GRM6: variants seen among roughly 807,000 people sequenced by gnomAD.
The protein encoded by GRM6 is glutamate metabotropic receptor 6.
GRM6 carries 73 observed loss-of-function variants against 78.4 expected under a neutral mutation model. The ratio of observed to expected loss-of-function variants is 0.93; its 90% CI spans 0.77 to 1.13. The LOEUF (loss-of-function observed/expected upper bound fraction) is 1.13. Among genes scored for constraint, GRM6 ranks in the 50% most tolerant of loss-of-function variants. GRM6 has a pLI of 0.00. For missense variants in GRM6, 1,251 were observed against 1,256.4 expected (o/e 1.00, Z 0.07); for synonymous variants, 580 against 555.0 (o/e 1.05, Z -0.63).
intron 7 of GRM6, among the ~76,000 whole-genome samples, chr5:178,987,653 G>A (rs980251041): frequency 3.9e-5 from 6 of 152,182 alleles, no homozygotes; most frequent in South Asian, 4.1e-4. Flanking sequence ...AGGTGCTGGC[G>A]GGAGGAGGGG....
chr5:178,985,475 G>T (rs576065347), intron 9 of GRM6: 42 of 341,464 alleles, frequency 1.2e-4, no homozygotes, highest in South Asian at 3.8e-4. Context: ...AGGCCGAGGT[G>T]GGCGGATCAC....
In GRM6 at chr5:178,991,728, T is replaced by A; in HGVS notation, c.721+139A>T. The A allele has an allele frequency of 8.9e-7, 1 of 1,117,948 alleles. No individual in the cohort carries two copies. The highest frequency in any genetic ancestry group is 1.3e-6 in the Non-Finnish European group (1 of 746,202). The allele number at this position is 1,117,948 out of a possible 1,614,324, so 69.3% of individuals were successfully genotyped here. ...GGCTGAGTCGTCCAAAACAAAGAGG[T>A]CCCGCCCACATGGAGCACCAGCCAG... On this transcript the variant is annotated intron_variant, in intron 3 of 10. Coordinates refer to ENST00000517717, the MANE Select transcript of GRM6 (RefSeq NM_000843.4). The surrounding 1 kb of genome is among the most constrained non-coding windows in gnomAD (Gnocchi z 5.0).
Position 178,986,449 on chromosome 5 carries a change from G to A in GRM6, c.1805C>T (p.Thr602Met), listed in dbSNP as rs199513794. The A allele has an allele frequency of 2.8e-4, 444 of 1,612,886 alleles. 1 individual carries two copies. The highest frequency in any genetic ancestry group is 4.8e-4 in the South Asian group (44 of 91,066). The change falls in exon 9 of 11, where the codon ACG becomes ATG. Residue 602 changes from threonine (T) to methionine (M), a missense_variant. Coordinates refer to ENST00000517717, the MANE Select transcript of GRM6 (RefSeq NM_000843.4). ...GTACCGCACGAAGGTGGCCACCACC[G>A]TGGTAGTGGCCACGATGCCCAGCAC... ...LAVLGIVATT[T>M]VVATFVRYNN... is the part of the protein sequence containing the mutation.
intron 9 of GRM6, 113 bp from the exon 10 acceptor site, chr5:178,983,334 G>T: frequency 1.1e-6 from 1 of 911,070 alleles, no homozygotes; most frequent in Non-Finnish European, 1.8e-6. Flanking sequence ...CCTATGGAGG[G>T]GATGCTCCAC....
Position 178,983,110 on chromosome 5 carries a change from T to C in GRM6, c.2236A>G (p.Met746Val). The C allele has an allele frequency of 6.2e-7, 1 of 1,614,032 alleles. No homozygotes were observed. Residue 746 changes from methionine to valine, a missense_variant, in exon 10 of 11, where the codon ATG becomes GTG. Physicochemically the swap from Met to Val is conservative, Grantham distance 21. Transcript: ENST00000517717. ...EQARGVLKCD[M>V]SDLSLIGCLG... is the part of the protein sequence containing the mutation. ...CAGCCGATGAGAGACAGATCCGACA[T>C]GTCGCACTTGAGCACCCCTCTGGCC...
At chr5:178,990,885 G>A in intron 4 of GRM6, 139 bp from the exon 5 acceptor site, 1 of 709,206 alleles carries the variant, frequency 1.4e-6, no homozygotes, top group Non-Finnish European at 2.3e-6. Flanking sequence ...CGGGGCCGGG[G>A]GCATTTAGGG....
intron 7 of GRM6, chr5:178,987,469 A>G (rs1263066875): frequency 6.6e-6 from 3 of 456,662 alleles, no homozygotes; most frequent in Admixed American, 4.7e-5. Context: ...ATGGGATGCG[A>G]TTCAGCCTTC....
At chr5:178,993,491 AGGGAGCGGCCCCG>A (rs1760718042) in intron 2 of GRM6, among the ~76,000 whole-genome samples, 1 of 152,188 alleles carries the variant, frequency 6.6e-6, no homozygotes, top group Non-Finnish European at 1.5e-5. Context: ...CGCAGACGAT[AGGGAGCGGCCCCG>A]CACGCCTGGA....
Position 178,986,980 on chromosome 5 carries a change from CT to C in GRM6, c.1357del (p.Ser453AlafsTer6), listed in dbSNP as rs987834241. ...GTTGAACATCACAGGGGTTCCTGCG[CT>C]GCCTGGAGAGAGAGTCCGTCATCCT... ...QYIRAVRFNG[S>X]AGTPVMFNEN... On this transcript the variant is annotated frameshift_variant and splice_region_variant, in exon 8 of 11. Coordinates refer to ENST00000517717, the MANE Select transcript of GRM6 (RefSeq NM_000843.4). LOFTEE classifies it high-confidence loss of function. 1.2e-6 allele frequency: 2 copies of C among 1,613,434 alleles called. No individual in the cohort carries two copies. The highest frequency in any genetic ancestry group is 2.7e-5 in the African/African-American group (2 of 74,922).
At chr5:178,986,031 G>C in intron 9 of GRM6, 99 bp downstream of exon 9, 2 of 1,121,188 alleles carry the variant, frequency 1.8e-6, no homozygotes. Flanking sequence ...AAAGGTGCTG[G>C]GACTACAGGC....
intron 9 of GRM6, 28 bp downstream of exon 9, chr5:178,986,102 C>T (rs759952013): frequency 6.2e-7 from 1 of 1,605,250 alleles, no homozygotes; most frequent in Admixed American, 1.7e-5. Context: ...CCCTCCCTGC[C>T]CTGGCCCTTG....
In GRM6 at chr5:178,991,973, C is replaced by T. The variant is rs1365322605; in HGVS notation, c.615G>A (p.Val205=). The change falls in exon 3 of 11, where the codon GTG becomes GTA. Residue 205 remains valine (V), a synonymous_variant. Transcript: ENST00000517717. The surrounding 1 kb of genome is among the most constrained non-coding windows in gnomAD (Gnocchi z 5.0). ...PPDSYQAQAM[V]DIVRALGWNY... ...TCCATCCCAGTGCCCTCACGATGTCCACCATGGCCTGCGCCTGGTAGGAGT... is the reference window on the plus strand; with the variant it reads ...TCCATCCCAGTGCCCTCACGATGTCTACCATGGCCTGCGCCTGGTAGGAGT... 1.2e-6 allele frequency: 2 copies of T among 1,613,978 alleles called. No homozygotes were observed. The highest frequency in any genetic ancestry group is 1.7e-6 in the Non-Finnish European group (2 of 1,179,968).
rs140271739 is a variant in GRM6, at chr5:178,986,398, G to A, written c.1856C>T (p.Ser619Leu). 187 of 1,613,916 alleles carry A rather than the reference G, an allele frequency of 1.2e-4. No individual in the cohort carries two copies. Among genetic ancestry groups the A allele is most frequent in the Admixed American group, 3.2e-4 (19 of 60,022 alleles). ...RYNNTPIVRA[S>L]GRELSYVLLT... ...GAGGACGTAGCTGAGCTCTCGGCCC[G>A]AGGCCCGGACGATGGGCGTGTTGTT... The change falls in exon 9 of 11, where the codon TCG becomes TTG. Residue 619 changes from serine (S) to leucine (L), a missense_variant. Physicochemically the swap from Ser to Leu is moderately radical, Grantham distance 145. Coordinates refer to ENST00000517717, the MANE Select transcript of GRM6 (RefSeq NM_000843.4).
chr5:178,988,292 A>G lies in GRM6; in HGVS notation c.1354+643T>C, dbSNP rs1760605368. On this transcript the variant is annotated intron_variant, in intron 7 of 10. Transcript: ENST00000517717. The surrounding 1 kb of genome is among the most constrained non-coding windows in gnomAD (Gnocchi z 6.0). Reference sequence around the variant, plus strand: ...CCACCAGCTTGCAGAGATGCTCTGGAGTCATATTAAATGGAATTGATTAGC... The same window carrying G: ...CCACCAGCTTGCAGAGATGCTCTGGGGTCATATTAAATGGAATTGATTAGC... 6.6e-6 allele frequency among the ~76,000 whole-genome samples: 1 copy of G among 152,144 alleles called. No individual in the cohort carries two copies. The highest frequency in any genetic ancestry group is 6.5e-5 in the Admixed American group (1 of 15,272).
rs1274382727 is a variant in GRM6, at chr5:178,991,653, G to T, written c.722-94C>A. On this transcript the variant is annotated intron_variant, in intron 3 of 10. Coordinates refer to ENST00000517717, the MANE Select transcript of GRM6 (RefSeq NM_000843.4). This position sits in a 1 kb window ranked among gnomAD's most constrained non-coding sequence, Gnocchi z 5.0. Reference sequence around the variant, plus strand: ...AGAGGACTGTGTAGGCTGGCTGAAGGGTCTGCAGGGGTGAAGTCTGGCCTG... The same window carrying T: ...AGAGGACTGTGTAGGCTGGCTGAAGTGTCTGCAGGGGTGAAGTCTGGCCTG... The T allele has an allele frequency of 1.4e-6, 2 of 1,442,204 alleles. No homozygotes were observed. Among genetic ancestry groups the T allele is most frequent in the Non-Finnish European group, 1.9e-6 (2 of 1,027,410 alleles). The allele number at this position is 1,442,204 out of a possible 1,614,324, so 89.3% of individuals were successfully genotyped here.
At position 178,983,468 on chromosome 5, in the gene GRM6, G is replaced by A. The variant is rs17078884; in HGVS notation, c.2125-247C>T. 0.043 allele frequency: 29,701 copies of A among 682,844 alleles called. 998 individuals are homozygous for A. The highest frequency in any genetic ancestry group is 0.13 in the East Asian group (4,506 of 35,608). The allele number at this position is 682,844 out of a possible 1,614,324, so 42.3% of individuals were successfully genotyped here. On this transcript the variant is annotated intron_variant, in intron 9 of 10. Transcript: ENST00000517717. Reference sequence around the variant, plus strand: ...GGCAGCTGCGGAGAAGGGCTGTGCCGCCCGTATATGTTGGCAACATCAGTG... The same window carrying A: ...GGCAGCTGCGGAGAAGGGCTGTGCCACCCGTATATGTTGGCAACATCAGTG...
In GRM6 at chr5:178,989,295, G is replaced by C; in HGVS notation, c.1123C>G (p.Gln375Glu). 6.2e-7 allele frequency: 1 copy of C among 1,609,866 alleles called. No individual in the cohort carries two copies. The highest frequency in any genetic ancestry group is 8.5e-7 in the Non-Finnish European group (1 of 1,179,026). Reference sequence around the variant, plus strand: ...CATTTGCGGGTGGAATCGTCTGACTGGGTACCTGAGCTGGTCAGTTTGCAG... The same window carrying C: ...CATTTGCGGGTGGAATCGTCTGACTCGGTACCTGAGCTGGTCAGTTTGCAG... The part of the protein sequence containing the change: ...FNCKLTSSGT[Q>E]SDDSTRKCTG... The change falls in exon 6 of 11, where the codon CAG becomes GAG. Residue 375 changes from glutamine to glutamate, a missense_variant. Physicochemically the swap from Gln to Glu is conservative, Grantham distance 29. Transcript: ENST00000517717.
intron 7 of GRM6, chr5:178,987,540 G>A (rs948735590): frequency 1.6e-5 from 7 of 432,518 alleles, no homozygotes; most frequent in South Asian, 8.3e-5. Context: ...CATGATGCTC[G>A]GTGAAACAAG....
Position 178,980,234 on chromosome 5 carries a change from T to C in GRM6, c.*1423A>G, listed in dbSNP as rs921169409. 7 of 154,122 alleles carry C rather than the reference T, an allele frequency of 4.5e-5. No homozygotes were observed. The highest frequency in any genetic ancestry group is 1.7e-4 in the African/African-American group (7 of 41,520). The allele number at this position is 154,122 out of a possible 1,614,324, so 9.5% of individuals were successfully genotyped here. A position where few individuals can be genotyped will look rare whatever the true frequency, so the allele number is the denominator to read the frequency against. ...ACATCACAGACTAGAGAATGTATAC[T>C]GATCTTAAACAGTGGTCAATTTAAC... On this transcript the variant is annotated 3_prime_UTR_variant, in exon 11 of 11. Coordinates refer to ENST00000517717, the MANE Select transcript of GRM6 (RefSeq NM_000843.4). This position sits in a 1 kb window ranked among gnomAD's most constrained non-coding sequence, Gnocchi z 4.3.
Sources: allele counts gnomAD v4.1 joint callset (sites outside exome capture counted in the v4.1 genomes callset), GRCh38; gene constraint gnomAD v4.1.1; non-coding constraint Gnocchi (gnomAD v3.1); transcripts MANE v1.5; gene names NCBI Gene and HGNC (gene_info 2026-07-23, HGNC 2026-07-21).